Variants in TRAF3IP2 observed in about 807,000 individuals in gnomAD.
TRAF3IP2 encodes E3 ubiquitin ligase TRAF3IP2.
In TRAF3IP2, 35 loss-of-function variants were observed where a neutral mutation model predicts 57.9. The observed-to-expected ratio is 0.60, with a 90% CI of 0.46 to 0.80. The LOEUF is 0.80. Ranked by LOEUF, TRAF3IP2 falls within the 30% of genes least tolerant of loss-of-function variation. TRAF3IP2 has a pLI of 0.00. For missense variants in TRAF3IP2, 556 were observed against 706.4 expected (o/e 0.79, Z 2.41); for synonymous variants, 251 against 268.9 (o/e 0.93, Z 0.65).
intron 1 of TRAF3IP2, among the ~76,000 whole-genome samples, chr6:111,594,176 C>A (rs962914668): frequency 1.3e-5 from 2 of 148,420 alleles, no homozygotes; most frequent in Non-Finnish European, 3.0e-5. Flanking sequence ...TTCTTTCTTG[C>A]AATTTTTCCA....
chr6:111,586,560 C>T (rs1463013304), intron 2 of TRAF3IP2, among the ~76,000 whole-genome samples: 2 of 151,704 alleles, frequency 1.3e-5, no homozygotes, highest in Admixed American at 6.6e-5. Context: ...ATGAAAGGGG[C>T]GACCAATAAC....
chr6:111,594,778 G>A (rs943543967), intron 1 of TRAF3IP2, among the ~76,000 whole-genome samples: 5 of 152,182 alleles, frequency 3.3e-5, no homozygotes, highest in Admixed American at 2.0e-4. Flanking sequence ...AGCCAGGTGC[G>A]GTGGCGTGAG....
At chr6:111,598,539 C>T (rs142729634) in intron 1 of TRAF3IP2, among the ~76,000 whole-genome samples, 1 of 152,132 alleles carries the variant, frequency 6.6e-6, no homozygotes, top group Non-Finnish European at 1.5e-5. Flanking sequence ...ATGGAACTAT[C>T]TCTAAGATTT....
At position 111,566,424 on chromosome 6, in the gene TRAF3IP2, G is replaced by C; in HGVS notation, c.1476+20C>G. 16 of 1,584,352 alleles carry C rather than the reference G, an allele frequency of 1.0e-5. No homozygotes were observed. Among genetic ancestry groups the C allele is most frequent in the Non-Finnish European group, 1.4e-5 (16 of 1,154,064 alleles). On this transcript the variant is annotated intron_variant, in intron 7 of 8. Coordinates refer to ENST00000368761, the MANE Select transcript of TRAF3IP2 (RefSeq NM_147686.4). Reference sequence around the variant, plus strand: ...CATCCCCAGGGGACAGTGAGGTGTTGTGATCCCCTCCCCACTCACCATTCG... The same window carrying C: ...CATCCCCAGGGGACAGTGAGGTGTTCTGATCCCCTCCCCACTCACCATTCG...
intron 8 of TRAF3IP2, among the ~76,000 whole-genome samples, chr6:111,561,939 C>G (rs764988219): frequency 6.6e-6 from 1 of 152,142 alleles, no homozygotes; most frequent in Non-Finnish European, 1.5e-5. Flanking sequence ...GGTGTGCCAT[C>G]GCACAGGCTG....
chr6:111,605,367 G>A (rs1016940003), intron 1 of TRAF3IP2, among the ~76,000 whole-genome samples: 2 of 152,242 alleles, frequency 1.3e-5, no homozygotes, highest in African/African-American at 4.8e-5. Flanking sequence ...CCACTGACGT[G>A]TTCTGGGGCT....
intron 1 of TRAF3IP2, among the ~76,000 whole-genome samples, chr6:111,605,295 T>C (rs1010034225): frequency 4.6e-5 from 7 of 152,240 alleles, no homozygotes; most frequent in African/African-American, 1.7e-4. Context: ...CAGAACTTCC[T>C]GGCCCAAAAA....
At chr6:111,601,653 T>C (rs1411149250) in intron 1 of TRAF3IP2, 1 of 154,592 alleles carries the variant, frequency 6.5e-6, no homozygotes, top group East Asian at 1.9e-4. Flanking sequence ...TTAAGCTTTC[T>C]TTGAGTCAGG....
At chr6:111,578,744 T>C (rs1796070408) in intron 3 of TRAF3IP2, among the ~76,000 whole-genome samples, 2 of 152,186 alleles carry the variant, frequency 1.3e-5, no homozygotes. Context: ...TTCACCATTG[T>C]TAATAAAGTG....
chr6:111,590,439 G>A (rs772703942), intron 2 of TRAF3IP2, among the ~76,000 whole-genome samples: 6 of 152,146 alleles, frequency 3.9e-5, no homozygotes, highest in Non-Finnish European at 8.8e-5. Flanking sequence ...CAAAAAATGT[G>A]TATGATGGTG....
At chr6:111,562,143 C>G (rs963783258) in intron 8 of TRAF3IP2, among the ~76,000 whole-genome samples, 2 of 152,194 alleles carry the variant, frequency 1.3e-5, no homozygotes, top group Non-Finnish European at 2.9e-5. Flanking sequence ...GGAATGTGGC[C>G]TCAGGTGGTT....
At chr6:111,576,818 C>T (rs1049175004) in intron 3 of TRAF3IP2, 6 of 152,060 alleles carry the variant, frequency 3.9e-5, no homozygotes, top group African/African-American at 1.4e-4. Flanking sequence ...GTAGTGGGAA[C>T]ATGGATGTTG....
Position 111,591,378 on chromosome 6 carries a change from G to A in TRAF3IP2, c.709C>T (p.Pro237Ser), listed in dbSNP as rs368264858. Reference protein sequence around the residue: ...LPRPLRSREFPQFEPQRYPAC... With the variant: ...LPRPLRSREFSQFEPQRYPAC... ...GGATACCTCTGAGGTTCAAACTGAG[G>A]GAACTCCCTGGACCTGAGAGGTCTG... The change falls in exon 2 of 9, where the codon CCT becomes TCT. Residue 237 changes from proline (P) to serine (S), a missense_variant. Pro to Ser is a moderately conservative substitution (Grantham distance 74). Transcript: ENST00000368761. The surrounding 1 kb of genome is among the most constrained non-coding windows in gnomAD (Gnocchi z 4.9). 6.5e-7 allele frequency: 1 copy of A among 1,545,212 alleles called. No individual in the cohort carries two copies. Among genetic ancestry groups the A allele is most frequent in the South Asian group, 1.3e-5 (1 of 79,650 alleles).
chr6:111,561,250 G>A (rs1474636884), intron 8 of TRAF3IP2, among the ~76,000 whole-genome samples: 1 of 151,654 alleles, frequency 6.6e-6, no homozygotes, highest in Non-Finnish European at 1.5e-5. Flanking sequence ...GACCATCCTG[G>A]CCAACATGGT....
At chr6:111,576,294 TGATTTTGAAGACCCTTTAAA>T (rs1446692394) in intron 3 of TRAF3IP2, 1 of 153,540 alleles carries the variant, frequency 6.5e-6, no homozygotes, top group Non-Finnish European at 1.5e-5. Flanking sequence ...AATGGAAATC[TGATTTTGAAGACCCTTTAAA>T]GAAGTTGCTA....
chr6:111,570,097 T>C (rs1220283042), intron 5 of TRAF3IP2, among the ~76,000 whole-genome samples: 1 of 152,116 alleles, frequency 6.6e-6, no homozygotes, highest in Non-Finnish European at 1.5e-5. Context: ...CTGGTGTCCA[T>C]AGAAGACGAG....
rs201239201 is a variant in TRAF3IP2 at position 111,566,402 on chromosome 6, C to A, written c.1476+42G>T. On this transcript the variant is annotated intron_variant, in intron 7 of 8. Transcript: ENST00000368761. ...GGACTTCCCTGGACAAGGTATCCAT[C>A]CCCAGGGGACAGTGAGGTGTTGTGA... 2.3e-4 allele frequency: 346 copies of A among 1,474,894 alleles called. No individual in the cohort carries two copies. In the East Asian group the frequency reaches 7.3e-3, roughly 31 times the overall value. 91.4% of individuals were successfully genotyped at this position (1,474,894 alleles called of 1,614,324 possible). A position where few individuals can be genotyped will look rare whatever the true frequency, so the allele number is the denominator to read the frequency against.
intron 1 of TRAF3IP2, among the ~76,000 whole-genome samples, chr6:111,595,804 G>A (rs911846976): frequency 2.0e-5 from 3 of 151,294 alleles, no homozygotes; most frequent in Admixed American, 2.0e-4. Context: ...CTCCAGCCTG[G>A]GTGACACAGC....
chr6:111,593,850 G>T (rs1796594577), intron 1 of TRAF3IP2, among the ~76,000 whole-genome samples: 1 of 152,162 alleles, frequency 6.6e-6, no homozygotes, highest in Non-Finnish European at 1.5e-5. Flanking sequence ...AAAATGTTTG[G>T]CCGGGCGCAG....
Sources: gnomAD v4.1 joint callset for allele counts (sites outside exome capture counted in the v4.1 genomes callset) on GRCh38, gnomAD v4.1.1 for gene constraint, Gnocchi (gnomAD v3.1) non-coding constraint, MANE v1.5 for transcripts, NCBI Gene and HGNC (gene_info 2026-07-23, HGNC 2026-07-21) for gene names.